The following SYN3 variants were observed in gnomAD, a reference collection of about 807,000 sequenced individuals.
SYN3 encodes synapsin-3.
In SYN3, 35 loss-of-function variants were observed where a neutral mutation model predicts 65.8. The observed-to-expected ratio is 0.53, with a 90% CI of 0.41 to 0.70. The LOEUF is 0.70. Among genes scored for constraint, SYN3 ranks in the 30% least tolerant of loss-of-function variants. SYN3 has a pLI of 0.00. For missense variants in SYN3, 680 were observed against 749.0 expected, an observed-to-expected ratio of 0.91 and a Z score of 1.08; for synonymous variants, 270 against 292.9, an observed-to-expected ratio of 0.92 and a Z score of 0.80.
chr22:32,532,327 A>T (rs1427341391), intron 10 of SYN3, among the ~76,000 whole-genome samples: 1 of 152,276 alleles, frequency 6.6e-6, no homozygotes, highest in African/African-American at 2.4e-5. Flanking sequence ...TTCCTGCCCC[A>T]CCTCTGGGCT....
intron 1 of SYN3, among the ~76,000 whole-genome samples, chr22:33,032,082 C>A (rs189333081): frequency 6.6e-6 from 1 of 151,342 alleles, no homozygotes; most frequent in Non-Finnish European, 1.5e-5. Context: ...TGGTGGCGGG[C>A]GCCTGTAGTC....
chr22:32,869,690 GTTTT>G (rs748620876), intron 4 of SYN3, among the ~76,000 whole-genome samples: 2 of 114,924 alleles, frequency 1.7e-5, no homozygotes, highest in Non-Finnish European at 3.4e-5. Context: ...ACACATCTTG[GTTTT>G]TTTTTTTTTT....
chr22:32,529,218 A>G (rs2058031389), intron 10 of SYN3: 1 of 555,448 alleles, frequency 1.8e-6, no homozygotes, highest in Admixed American at 3.0e-5. Context: ...AGGTAGTTCA[A>G]TTCGGCCCAC....
chr22:32,755,075 C>T (rs767842032), intron 6 of SYN3, among the ~76,000 whole-genome samples: 6 of 152,168 alleles, frequency 3.9e-5, no homozygotes, highest in Non-Finnish European at 5.9e-5. Flanking sequence ...AGAGCAGAGG[C>T]GCAGAGGCTG....
intron 3 of SYN3, among the ~76,000 whole-genome samples, chr22:32,939,709 A>C (rs1269468356): frequency 6.6e-6 from 1 of 152,178 alleles, no homozygotes; most frequent in South Asian, 2.1e-4. Context: ...ATTTCTGTGT[A>C]GTATTTCATT....
At chr22:32,752,977 A>G (rs2045177095) in intron 6 of SYN3, among the ~76,000 whole-genome samples, 1 of 152,174 alleles carries the variant, frequency 6.6e-6, no homozygotes, top group Admixed American at 6.5e-5. Context: ...CCTCCCCCAG[A>G]ACCACTGAAA....
chr22:32,716,934 C>T (rs1310063154), intron 6 of SYN3, among the ~76,000 whole-genome samples: 1 of 152,138 alleles, frequency 6.6e-6, no homozygotes, highest in Non-Finnish European at 1.5e-5. Context: ...TGCTGTACAA[C>T]CATTACCACC....
intron 6 of SYN3, among the ~76,000 whole-genome samples, chr22:32,828,022 G>C (rs1003930386): frequency 6.6e-6 from 1 of 152,106 alleles, no homozygotes; most frequent in African/African-American, 2.4e-5. Context: ...ATCATATTGG[G>C]TATTTGTCTT....
At chr22:32,874,455 G>A (rs1333101665) in intron 4 of SYN3, among the ~76,000 whole-genome samples, 2 of 152,232 alleles carry the variant, frequency 1.3e-5, no homozygotes, top group African/African-American at 2.4e-5. Context: ...CGTGTCACAG[G>A]GGGATTACTG....
intron 6 of SYN3, among the ~76,000 whole-genome samples, chr22:32,822,333 C>A (rs1299883295): frequency 2.6e-5 from 4 of 152,114 alleles, no homozygotes; most frequent in Non-Finnish European, 4.4e-5. Context: ...GTGCTGATGC[C>A]TCTGGGGATT....
chr22:32,836,468 C>T (rs1336463542), intron 6 of SYN3, among the ~76,000 whole-genome samples: 1 of 152,216 alleles, frequency 6.6e-6, no homozygotes, highest in African/African-American at 2.4e-5. Context: ...CCAAAGAGGG[C>T]AGCAGTTAGC....
chr22:32,801,978 CCGGCAGCGG>C lies in SYN3; in HGVS notation c.711+62928_711+62936del, dbSNP rs772087197. ...AACTTTGGAGAGGCGAGCAGCAGCC[CCGGCAGCGG>C]CGGCAGCAGCGGCAATGACCCCTTG... On this transcript the variant is annotated intron_variant, in intron 6 of 13. Transcript: ENST00000358763. The surrounding 1 kb of genome is among the most constrained non-coding windows in gnomAD (Gnocchi z 4.7). 9.5e-6 allele frequency: 15 copies of C among 1,581,310 alleles called. No individual in the cohort carries two copies. Among genetic ancestry groups the C allele is most frequent in the Admixed American group, 3.5e-5 (2 of 57,288 alleles).
At chr22:32,884,436 T>C (rs566320291) in intron 4 of SYN3, among the ~76,000 whole-genome samples, 6 of 152,334 alleles carry the variant, frequency 3.9e-5, no homozygotes, top group African/African-American at 1.4e-4. Context: ...AACAATAACA[T>C]GTACTTCAGA....
intron 4 of SYN3, among the ~76,000 whole-genome samples, chr22:32,929,529 C>T (rs1047127206): frequency 6.6e-6 from 1 of 152,146 alleles, no homozygotes; most frequent in East Asian, 1.9e-4. Flanking sequence ...CATTTGAAGC[C>T]TAGCTTGAAA....
Position 32,673,490 on chromosome 22 carries a change from CA to C in SYN3, c.712-76755del, listed in dbSNP as rs368888203. Among the ~76,000 whole-genome samples, 788 of 152,310 alleles carry C rather than the reference CA, an allele frequency of 5.2e-3. 6 individuals are homozygous for C. The highest frequency in any genetic ancestry group is 0.037 in the South Asian group (180 of 4,826). On this transcript the variant is annotated intron_variant, in intron 6 of 13. Coordinates refer to ENST00000358763, the MANE Select transcript of SYN3 (RefSeq NM_003490.4). ...TTCAGGCACAATAAACAAAAGATTT[CA>C]AGAAGCTCACTGTGTACTAGGGAAG...
chr22:32,629,150 A>T (rs887144115), intron 6 of SYN3, among the ~76,000 whole-genome samples: 2 of 152,304 alleles, frequency 1.3e-5, no homozygotes, highest in African/African-American at 4.8e-5. Context: ...CCCACTCAGA[A>T]ATCGCTTTGG....
chr22:32,710,312 A>G (rs1212078045), intron 6 of SYN3, among the ~76,000 whole-genome samples: 1 of 151,318 alleles, frequency 6.6e-6, no homozygotes, highest in African/African-American at 2.4e-5. Context: ...TTGTCAAGAT[A>G]GTGAGTTCTT....
intron 6 of SYN3, among the ~76,000 whole-genome samples, chr22:32,863,775 G>T (rs181375828): frequency 2.6e-5 from 4 of 152,284 alleles, no homozygotes; most frequent in Non-Finnish European, 5.9e-5. Context: ...AGAAGTTGGG[G>T]CTCACAGAGA....
intron 12 of SYN3, among the ~76,000 whole-genome samples, chr22:32,526,858 G>A (rs927069815): frequency 1.3e-5 from 2 of 152,168 alleles, no homozygotes; most frequent in African/African-American, 4.8e-5. Flanking sequence ...AGATTGCAGC[G>A]AGACTGCCTG....
Sources: gnomAD v4.1 joint callset for allele counts (sites outside exome capture counted in the v4.1 genomes callset) on GRCh38, gnomAD v4.1.1 for gene constraint, Gnocchi (gnomAD v3.1) non-coding constraint, MANE v1.5 for transcripts, NCBI Gene and HGNC (gene_info 2026-07-23, HGNC 2026-07-21) for gene names.